The following UMAD1 variants were observed in gnomAD, a reference collection of about 807,000 sequenced individuals.
The protein encoded by UMAD1 is UBAP1-MVB12-associated (UMA)-domain containing protein 1.
Under a neutral mutation model 6.1 loss-of-function variants are expected in UMAD1, and 8 were observed. The ratio of observed to expected loss-of-function variants is 1.30; its 90% CI spans 0.76 to 2.35. The LOEUF (loss-of-function observed/expected upper bound fraction) is 2.35. UMAD1 is among the 30% of genes most tolerant of loss of function. The probability of loss-of-function intolerance (pLI) is 0.00; values close to 1 mark genes in which losing one functional copy is unlikely to be tolerated. For synonymous variants in UMAD1, 56 were observed against 31.4 expected, an observed-to-expected ratio of 1.78 and a Z score of -2.61; for missense variants, 130 against 78.4, an observed-to-expected ratio of 1.66 and a Z score of -2.49.
chr7:7,789,624 T>TC (rs59147666), intron 2 of UMAD1, among the ~76,000 whole-genome samples: 53 of 147,110 alleles, frequency 3.6e-4, no homozygotes, highest in East Asian at 2.3e-3. Flanking sequence ...CCTTCTCCCC[T>TC]CCCCACAGAC....
chr7:7,678,499 T>A (rs1779809111), intron 2 of UMAD1, among the ~76,000 whole-genome samples: 1 of 140,078 alleles, frequency 7.1e-6, no homozygotes, highest in Non-Finnish European at 1.5e-5. Context: ...TAATATATAT[T>A]TATATATTTA....
chr7:7,868,576 A>C (rs967843981), intron 3 of UMAD1: 1 of 133,698 alleles, frequency 7.5e-6, no homozygotes, highest in Admixed American at 7.2e-5. Context: ...AAATGGAAAA[A>C]ATACTGAAAA....
At chr7:7,790,071 G>C (rs1486399925) in intron 2 of UMAD1, among the ~76,000 whole-genome samples, 1 of 151,998 alleles carries the variant, frequency 6.6e-6, no homozygotes, top group African/African-American at 2.4e-5. Context: ...GTAAAAAGTA[G>C]GCAGATAATA....
intron 2 of UMAD1, among the ~76,000 whole-genome samples, chr7:7,679,844 C>T (rs1256264431): frequency 6.6e-6 from 1 of 151,190 alleles, no homozygotes; most frequent in Non-Finnish European, 1.5e-5. Flanking sequence ...GGATTACAGG[C>T]GTGAGCTGCT....
At chr7:7,712,587 C>T (rs546614325) in intron 2 of UMAD1, among the ~76,000 whole-genome samples, 2 of 152,200 alleles carry the variant, frequency 1.3e-5, no homozygotes, top group South Asian at 4.1e-4. Flanking sequence ...TCTTTAGATT[C>T]TTTTGAATTT....
rs539492418 is a variant in UMAD1, at chr7:7,710,512, C to G, written c.82+37059C>G. ...AAATTAAAACCATAATGATAGGTCT[C>G]TACAAACCTGTATCAGAATAGCTAA... On this transcript the variant is annotated intron_variant, in intron 2 of 3. Transcript: ENST00000682710. 3.5e-4 allele frequency among the ~76,000 whole-genome samples: 54 copies of G among 152,258 alleles called. No individual in the cohort carries two copies. The South Asian group carries it at 8.9e-3, about 25-fold the overall frequency.
At chr7:7,769,430 G>A (rs1372715994) in intron 2 of UMAD1, among the ~76,000 whole-genome samples, 5 of 152,118 alleles carry the variant, frequency 3.3e-5, no homozygotes, top group South Asian at 2.1e-4. Flanking sequence ...TGGGGTGGAG[G>A]GGATGCTTGA....
intron 2 of UMAD1, among the ~76,000 whole-genome samples, chr7:7,796,937 C>T (rs1782696750): frequency 6.6e-6 from 1 of 152,168 alleles, no homozygotes; most frequent in African/African-American, 2.4e-5. Flanking sequence ...TTTGGTGGCC[C>T]TAAGATTAAA....
intron 2 of UMAD1, chr7:7,736,808 A>C (rs1457842573): frequency 1.3e-5 from 2 of 152,180 alleles, no homozygotes; most frequent in African/African-American, 2.4e-5. Context: ...GAGCTTTTCC[A>C]CAATTCAGAA....
chr7:7,667,056 G>A (rs1283394637), intron 1 of UMAD1, among the ~76,000 whole-genome samples: 4 of 152,138 alleles, frequency 2.6e-5, no homozygotes, highest in African/African-American at 9.7e-5. Context: ...TGATCCACCC[G>A]CCTTGGCCCC....
chr7:7,764,689 T>G (rs1781952498), intron 2 of UMAD1, among the ~76,000 whole-genome samples: 1 of 152,234 alleles, frequency 6.6e-6, no homozygotes, highest in Admixed American at 6.5e-5. Context: ...GAGGTCATAT[T>G]TTTAATGTTG....
chr7:7,870,154 A>G (rs1287288299), intron 3 of UMAD1, among the ~76,000 whole-genome samples: 2 of 152,264 alleles, frequency 1.3e-5, no homozygotes, highest in African/African-American at 2.4e-5. Flanking sequence ...TTATACAAAC[A>G]TATGAAAACA....
At chr7:7,658,697 G>A (rs1478720363) in intron 1 of UMAD1, among the ~76,000 whole-genome samples, 1 of 152,166 alleles carries the variant, frequency 6.6e-6, no homozygotes, top group Non-Finnish European at 1.5e-5. Flanking sequence ...TTGATGTGCT[G>A]TTGGATTCAG....
intron 2 of UMAD1, among the ~76,000 whole-genome samples, chr7:7,757,263 G>A (rs1427366856): frequency 5.9e-5 from 9 of 152,146 alleles, no homozygotes; most frequent in Admixed American, 4.6e-4. Flanking sequence ...TTCACACTAT[G>A]AGGTATCCAA....
rs192760832 is a variant in UMAD1 at position 7,748,703 on chromosome 7, G to C, written c.83-52967G>C. Among the ~76,000 whole-genome samples the C allele has an allele frequency of 2.0e-4, 30 of 152,024 alleles. No homozygotes were observed. In the East Asian group the frequency reaches 5.8e-3, roughly 29 times the overall value. Reference sequence around the variant, plus strand: ...CTGTTAAAATACAACCTATCATGTTGTTCTTTGGGGATGAGTAGTACATTT... The same window carrying C: ...CTGTTAAAATACAACCTATCATGTTCTTCTTTGGGGATGAGTAGTACATTT... On this transcript the variant is annotated intron_variant, in intron 2 of 3. Coordinates refer to ENST00000682710, the MANE Select transcript of UMAD1 (RefSeq NM_001302348.2).
intron 2 of UMAD1, among the ~76,000 whole-genome samples, chr7:7,676,550 A>T (rs551266517): frequency 1.5e-4 from 23 of 152,270 alleles, no homozygotes; most frequent in Admixed American, 3.9e-4. Flanking sequence ...TTTGTTTTTT[A>T]AAAAAAGTTG....
intron 3 of UMAD1, among the ~76,000 whole-genome samples, chr7:7,868,759 G>T (rs1784283242): frequency 6.6e-6 from 1 of 152,160 alleles, no homozygotes; most frequent in Non-Finnish European, 1.5e-5. Context: ...CATGGAGATA[G>T]AAATCTTCTG....
intron 2 of UMAD1, among the ~76,000 whole-genome samples, chr7:7,761,748 CTTAG>C (rs1339151118): frequency 6.6e-6 from 1 of 152,184 alleles, no homozygotes; most frequent in Non-Finnish European, 1.5e-5. Context: ...TTTGCATTTA[CTTAG>C]TAAGAATTTT....
At chr7:7,642,196 A>T (rs1784989489) in intron 1 of UMAD1, among the ~76,000 whole-genome samples, 1 of 152,152 alleles carries the variant, frequency 6.6e-6, no homozygotes, top group South Asian at 2.1e-4. Context: ...GTGCAGTAGC[A>T]TGCACATAGC....
Sources: gnomAD v4.1 joint callset for allele counts (sites outside exome capture counted in the v4.1 genomes callset) on GRCh38, gnomAD v4.1.1 for gene constraint, MANE v1.5 for transcripts, NCBI Gene and HGNC (gene_info 2026-07-23, HGNC 2026-07-21) for gene names.